LAMA3: variants seen among roughly 807,000 people sequenced by gnomAD.
LAMA3 encodes the protein laminin subunit alpha-3.
A neutral mutation model predicts 402.0 loss-of-function variants in LAMA3; 281 were observed. The observed-to-expected ratio is 0.70, with a 90% CI of 0.63 to 0.77. The LOEUF is 0.77. LAMA3 is among the 30% of genes least tolerant of loss of function. The pLI is 0.00. For synonymous variants in LAMA3, 1,431 were observed against 1,558.4 expected (o/e 0.92, Z 1.93); for missense variants, 3,840 against 4,215.5 (o/e 0.91, Z 2.47).
At chr18:23,838,707 A>G in intron 25 of LAMA3, 74 bp from the exon 26 acceptor site, 5 of 798,788 alleles carry the variant, frequency 6.3e-6, no homozygotes, top group Admixed American at 1.8e-5. Context: ...CTTTTTTAAA[A>G]GGGTGTTTTT....
chr18:23,924,345 G>A (rs1415451253), intron 62 of LAMA3, among the ~76,000 whole-genome samples: 1 of 151,094 alleles, frequency 6.6e-6, no homozygotes, highest in Non-Finnish European at 1.5e-5. Flanking sequence ...CAGAGACGGG[G>A]TTCCCCATGT....
intron 34 of LAMA3, 69 bp from the exon 35 acceptor site, chr18:23,861,577 A>T: frequency 6.4e-7 from 1 of 1,561,936 alleles, no homozygotes. Flanking sequence ...GTAGTACATC[A>T]TGCACCCATC....
chr18:23,708,641 A>C (rs545425910), intron 1 of LAMA3, among the ~76,000 whole-genome samples: 1 of 152,276 alleles, frequency 6.6e-6, no homozygotes, highest in Admixed American at 6.5e-5. Context: ...CTCTACAGAG[A>C]TGCAATGACT....
rs2060737405 is a variant in LAMA3 at position 23,698,900 on chromosome 18, G to T, written c.294+8923G>T. ...CGTTGAGTAAATATAATAATTGTAGGTTGTTATTTTGCCTTAGAGAGAATA... is the reference window on the plus strand; with the variant it reads ...CGTTGAGTAAATATAATAATTGTAGTTTGTTATTTTGCCTTAGAGAGAATA... On this transcript the variant is annotated intron_variant, in intron 1 of 74. Coordinates refer to ENST00000313654, the MANE Select transcript of LAMA3 (RefSeq NM_198129.4). Among the ~76,000 whole-genome samples the T allele has an allele frequency of 2.0e-5, 3 of 152,134 alleles. 1 individual carries two copies. In the South Asian group the frequency reaches 6.2e-4, roughly 32 times the overall value.
At chr18:23,708,498 T>C (rs2060930805) in intron 1 of LAMA3, among the ~76,000 whole-genome samples, 2 of 152,230 alleles carry the variant, frequency 1.3e-5, no homozygotes, top group Non-Finnish European at 2.9e-5. Context: ...TCCATTTATG[T>C]AGATTTTCAA....
At chr18:23,928,977 A>G (rs2082086519) in intron 64 of LAMA3, among the ~76,000 whole-genome samples, 1 of 152,250 alleles carries the variant, frequency 6.6e-6, no homozygotes, top group African/African-American at 2.4e-5. Flanking sequence ...ATTATAATTT[A>G]CAGAGTTGCA....
chr18:23,889,294 G>T (rs2080557194), intron 41 of LAMA3, among the ~76,000 whole-genome samples: 1 of 152,148 alleles, frequency 6.6e-6, no homozygotes, highest in Admixed American at 6.5e-5. Context: ...AGGCCTGGTG[G>T]CATGCACCTG....
chr18:23,732,451 C>A (rs1407896780), intron 2 of LAMA3, among the ~76,000 whole-genome samples: 2 of 152,260 alleles, frequency 1.3e-5, no homozygotes, highest in Admixed American at 6.5e-5. Context: ...CTAACTCTTT[C>A]CATTCCTTCT....
At chr18:23,766,517 T>C (rs1274466916) in intron 8 of LAMA3, among the ~76,000 whole-genome samples, 3 of 152,084 alleles carry the variant, frequency 2.0e-5, no homozygotes, top group Non-Finnish European at 4.4e-5. Context: ...ATGGTATGTG[T>C]CTGGGCAAAT....
intron 38 of LAMA3, chr18:23,873,288 C>T (rs1270789093): frequency 4.5e-6 from 6 of 1,331,048 alleles, no homozygotes; most frequent in Non-Finnish European, 6.5e-6. Context: ...GTTACAGTTA[C>T]GGTGATTAAT....
chr18:23,702,962 T>C (rs2060818278), intron 1 of LAMA3, among the ~76,000 whole-genome samples: 1 of 152,214 alleles, frequency 6.6e-6, no homozygotes, highest in South Asian at 2.1e-4. Context: ...GGAAATTGAG[T>C]TAATGCATAT....
chr18:23,694,193 G>A (rs1224085349), intron 1 of LAMA3, among the ~76,000 whole-genome samples: 1 of 152,190 alleles, frequency 6.6e-6, no homozygotes, highest in Non-Finnish European at 1.5e-5. Flanking sequence ...GAAAATACAT[G>A]TGGAGTTAAT....
In LAMA3 at chr18:23,881,947, C is replaced by A; in HGVS notation, c.5124C>A (p.His1708Gln). The A allele has an allele frequency of 1.2e-6, 2 of 1,613,458 alleles. No homozygotes were observed. The highest frequency in any genetic ancestry group is 1.7e-6 in the Non-Finnish European group (2 of 1,179,444). ...DGSGICVNCQHNTAGEHCERC... is the reference protein window; with the variant it reads ...DGSGICVNCQQNTAGEHCERC... ...TCACCTGTCCCCAGAACTGTCAGCA[C>A]AACACCGCGGGAGAGCACTGTGAAC... is the stretch of plus-strand genomic sequence containing the variant. Residue 1708 changes from histidine to glutamine, a missense_variant, in exon 40 of 75, where the codon CAC (histidine) becomes CAA (glutamine). Physicochemically the swap from His to Gln is conservative, Grantham distance 24. Around this residue, in one of 3 missense-constraint regions of LAMA3, gnomAD observed 2,109 missense variants for 2,376.0 expected, o/e 0.89. Coordinates refer to ENST00000313654, the MANE Select transcript of LAMA3 (RefSeq NM_198129.4).
At chr18:23,720,946 C>T (rs1234956914) in intron 2 of LAMA3, among the ~76,000 whole-genome samples, 1 of 151,964 alleles carries the variant, frequency 6.6e-6, no homozygotes, top group East Asian at 1.9e-4. Context: ...TGCTTGAGGC[C>T]AGGAGTTCAA....
chr18:23,795,152 T>A (rs986362909), intron 12 of LAMA3, among the ~76,000 whole-genome samples: 8 of 152,220 alleles, frequency 5.3e-5, no homozygotes, highest in Non-Finnish European at 8.8e-5. Context: ...CTCCCTTTTT[T>A]AAAAATAATT....
chr18:23,861,533 C>G (rs1472721963), intron 34 of LAMA3, 113 bp from the exon 35 acceptor site: 1 of 1,209,940 alleles, frequency 8.3e-7, no homozygotes, highest in African/African-American at 1.5e-5. Context: ...TAAAGGAGGC[C>G]TCTGAGGCAA....
intron 41 of LAMA3, among the ~76,000 whole-genome samples, chr18:23,885,600 G>A (rs2065048915): frequency 6.6e-6 from 1 of 151,934 alleles, no homozygotes; most frequent in African/African-American, 2.4e-5. Flanking sequence ...ATAGGACACT[G>A]CCAAGTACTG....
At chr18:23,914,274 G>A in intron 56 of LAMA3, 136 bp from the exon 57 acceptor site, 2 of 826,196 alleles carry the variant, frequency 2.4e-6, no homozygotes, top group Non-Finnish European at 2.0e-6. Context: ...ATAAAATATT[G>A]CACCTTGTTT....
intron 12 of LAMA3, among the ~76,000 whole-genome samples, chr18:23,786,612 G>C (rs944355919): frequency 6.6e-6 from 1 of 152,182 alleles, no homozygotes; most frequent in Non-Finnish European, 1.5e-5. Flanking sequence ...CAAAGAAAGA[G>C]GGAAGTGTGA....
Sources: gnomAD v4.1 joint callset for allele counts (sites outside exome capture counted in the v4.1 genomes callset) on GRCh38, gnomAD v4.1.1 for gene constraint, gnomAD v4.1.1 regional missense constraint, MANE v1.5 for transcripts, NCBI Gene and HGNC (gene_info 2026-07-23, HGNC 2026-07-21) for gene names.